The following PGCKA1 variants were observed in gnomAD, a reference collection of about 807,000 sequenced individuals.
PGCKA1 encodes the protein PDCD10 and GCKIII kinases associated 1.
the PGCKA1 span, among the ~76,000 whole-genome samples, chr4:37,574,079 T>C: frequency 6.6e-6 from 1 of 152,022 alleles, no homozygotes; most frequent in Admixed American, 6.5e-5. Context: ...TCCCAGCTAC[T>C]CAGGAGGCTG....
the PGCKA1 span, among the ~76,000 whole-genome samples, chr4:37,492,616 A>G: frequency 6.6e-6 from 1 of 152,244 alleles, no homozygotes; most frequent in Non-Finnish European, 1.5e-5. This position sits in a 1 kb window ranked among gnomAD's most constrained non-coding sequence, Gnocchi z 4.7. Context: ...TATTTACTTA[A>G]TCCTCCTATC....
the PGCKA1 span, among the ~76,000 whole-genome samples, chr4:37,475,980 TTACAA>T: frequency 1.3e-5 from 2 of 150,102 alleles, no homozygotes; most frequent in African/African-American, 2.4e-5. Flanking sequence ...TTATTTTATT[TTACAA>T]TACATTATTT....
the PGCKA1 span, among the ~76,000 whole-genome samples, chr4:37,542,200 A>G: frequency 6.6e-6 from 1 of 152,290 alleles, no homozygotes; most frequent in Non-Finnish European, 1.5e-5. Context: ...CTAAGGGCAT[A>G]CTTAAATTAT....
At chr4:37,580,299 G>A in the PGCKA1 span, among the ~76,000 whole-genome samples, 1 of 121,918 alleles carries the variant, frequency 8.2e-6, no homozygotes, top group Admixed American at 8.9e-5. Context: ...TTCTTTCGGT[G>A]AGGTCATTTT....
At chr4:37,531,663 C>A in the PGCKA1 span, among the ~76,000 whole-genome samples, 1 of 151,434 alleles carries the variant, frequency 6.6e-6, no homozygotes, top group Non-Finnish European at 1.5e-5. Context: ...GAGGCCGAGG[C>A]GGGCGGATCA....
At chr4:37,571,390 C>T in the PGCKA1 span, among the ~76,000 whole-genome samples, 30,725 of 127,732 alleles carry the variant, frequency 0.24, 3,892 homozygotes, top group South Asian at 0.34. Flanking sequence ...TTGAGACAGA[C>T]CTCACTCTAT....
At chr4:37,576,963 GTGT>G in the PGCKA1 span, among the ~76,000 whole-genome samples, 1 of 152,082 alleles carries the variant, frequency 6.6e-6, no homozygotes, top group South Asian at 2.1e-4. Flanking sequence ...TCTTTTTAAT[GTGT>G]TGTTGAATTT....
chr4:37,578,102 T>C, the PGCKA1 span, among the ~76,000 whole-genome samples: 1 of 152,230 alleles, frequency 6.6e-6, no homozygotes, highest in East Asian at 1.9e-4. Flanking sequence ...GTTTCTTTGC[T>C]GATATTCTGT....
At chr4:37,562,726 A>C in the PGCKA1 span, among the ~76,000 whole-genome samples, 6 of 152,184 alleles carry the variant, frequency 3.9e-5, no homozygotes, top group African/African-American at 9.7e-5. Flanking sequence ...ATTTGAATCT[A>C]GTACTTATGA....
chr4:37,528,674 T>C, the PGCKA1 span, among the ~76,000 whole-genome samples: 6 of 152,320 alleles, frequency 3.9e-5, no homozygotes, highest in African/African-American at 1.2e-4. Context: ...CCCATATTGA[T>C]TGATGCATTG....
At chr4:37,529,998 A>T in the PGCKA1 span, among the ~76,000 whole-genome samples, 3 of 152,244 alleles carry the variant, frequency 2.0e-5, no homozygotes, top group African/African-American at 7.2e-5. Context: ...TCTGCTTTAA[A>T]AAAAGAAGTG....
chr4:37,526,489 A>G, the PGCKA1 span, among the ~76,000 whole-genome samples: 1 of 151,922 alleles, frequency 6.6e-6, no homozygotes, highest in African/African-American at 2.4e-5. Context: ...TCTCATATCA[A>G]TTCACAGCTT....
chr4:37,498,651 A>AT, the PGCKA1 span, among the ~76,000 whole-genome samples: 2 of 151,934 alleles, frequency 1.3e-5, no homozygotes, highest in Non-Finnish European at 1.5e-5. Context: ...TAAATATTTT[A>AT]TTTTTTGCAG....
At chr4:37,539,404 C>T in the PGCKA1 span, among the ~76,000 whole-genome samples, 1 of 152,142 alleles carries the variant, frequency 6.6e-6, no homozygotes, top group Non-Finnish European at 1.5e-5. Flanking sequence ...CACCTGTAAT[C>T]CCAGCACTTT....
chr4:37,577,995 G>T, the PGCKA1 span, among the ~76,000 whole-genome samples: 5 of 152,262 alleles, frequency 3.3e-5, no homozygotes, highest in South Asian at 1.0e-3. Flanking sequence ...AATAGTCCAT[G>T]TGCTGAGGAA....
chr4:37,504,094 C>A, the PGCKA1 span, among the ~76,000 whole-genome samples: 1 of 152,158 alleles, frequency 6.6e-6, no homozygotes, highest in Non-Finnish European at 1.5e-5. Flanking sequence ...AGATTTAAGG[C>A]TTTGATCCAT....
chr4:37,494,118 A>G, the PGCKA1 span, among the ~76,000 whole-genome samples: 103 of 152,230 alleles, frequency 6.8e-4, no homozygotes, highest in South Asian at 8.5e-3. Flanking sequence ...ATTGCACGGT[A>G]GCTCTATTTT....
the PGCKA1 span, among the ~76,000 whole-genome samples, chr4:37,583,254 T>TA: frequency 6.6e-6 from 1 of 152,218 alleles, no homozygotes; most frequent in Non-Finnish European, 1.5e-5. Context: ...AGTCTTTTCC[T>TA]ATATGCCCTT....
the PGCKA1 span, among the ~76,000 whole-genome samples, chr4:37,488,735 G>A: frequency 6.6e-6 from 1 of 151,998 alleles, no homozygotes; most frequent in Non-Finnish European, 1.5e-5. Flanking sequence ...CCTCTGGCCT[G>A]CTGATAGACC....
Sources: gnomAD v4.1 joint callset for allele counts (sites outside exome capture counted in the v4.1 genomes callset) on GRCh38, gnomAD v4.1.1 for gene constraint, Gnocchi (gnomAD v3.1) non-coding constraint, MANE v1.5 for transcripts, NCBI Gene and HGNC (gene_info 2026-07-23, HGNC 2026-07-21) for gene names.